The following RHOU variants were observed in gnomAD, a reference collection of about 807,000 sequenced individuals.
RHOU encodes ras homolog family member U, also known as rho-related GTP-binding protein RhoU.
Under a neutral mutation model 12.6 loss-of-function variants are expected in RHOU, and 8 were observed. That is an observed-to-expected ratio of 0.64 (90% CI 0.37 to 1.15). The LOEUF (loss-of-function observed/expected upper bound fraction) is 1.15. Ranked by LOEUF, RHOU falls within the 50% of genes most tolerant of loss-of-function variation. The pLI is 0.01. For synonymous variants in RHOU, 161 were observed against 147.4 expected (o/e 1.09, Z -0.67); for missense variants, 258 against 347.0 (o/e 0.74, Z 2.04).
At chr1:228,678,013 T>A in the RHOU span, among the ~76,000 whole-genome samples, 1 of 152,068 alleles carries the variant, frequency 6.6e-6, no homozygotes, top group Non-Finnish European at 1.5e-5. Context: ...CCAAGAGGTA[T>A]TTTAGTTTTC....
At chr1:228,648,583 A>G in the RHOU span, among the ~76,000 whole-genome samples, 1 of 152,080 alleles carries the variant, frequency 6.6e-6, no homozygotes, top group Non-Finnish European at 1.5e-5. Flanking sequence ...TAAAATTTCA[A>G]CCATGTTCTG....
chr1:228,721,632 A>G, the RHOU span, among the ~76,000 whole-genome samples: 1 of 152,152 alleles, frequency 6.6e-6, no homozygotes, highest in African/African-American at 2.4e-5. Flanking sequence ...TCCTGAGGAC[A>G]CAACCCCATG....
At chr1:228,699,987 G>A in the RHOU span, among the ~76,000 whole-genome samples, 47 of 152,110 alleles carry the variant, frequency 3.1e-4, no homozygotes, top group African/African-American at 1.1e-3. Context: ...TATTAAGACC[G>A]TTTTAGTAAT....
chr1:228,732,487 G>C (rs1662515934), upstream of RHOU, among the ~76,000 whole-genome samples: 1 of 152,174 alleles, frequency 6.6e-6, no homozygotes, highest in Admixed American at 6.5e-5. Context: ...CTGTAAAGGG[G>C]TAAAGTGGTA....
chr1:228,741,432 C>T (rs1662718821), intron 2 of RHOU, among the ~76,000 whole-genome samples: 1 of 152,126 alleles, frequency 6.6e-6, no homozygotes, highest in Non-Finnish European at 1.5e-5. Flanking sequence ...TTGTGCTTGC[C>T]TTTATTTTTC....
the RHOU span, among the ~76,000 whole-genome samples, chr1:228,689,217 G>T: frequency 1.3e-5 from 2 of 152,076 alleles, no homozygotes; most frequent in East Asian, 1.9e-4. Context: ...CCCTGAGTTT[G>T]TCAGACCCAA....
the RHOU span, among the ~76,000 whole-genome samples, chr1:228,678,826 G>C: frequency 1.3e-5 from 2 of 151,994 alleles, no homozygotes; most frequent in East Asian, 3.9e-4. Context: ...AGAGTGAGTT[G>C]AGCATAGTTT....
At chr1:228,656,337 A>G in the RHOU span, among the ~76,000 whole-genome samples, 1 of 152,202 alleles carries the variant, frequency 6.6e-6, no homozygotes, top group African/African-American at 2.4e-5. Context: ...TTTCTTTTAG[A>G]TTACTTCTCT....
At chr1:228,671,712 C>CAAA in the RHOU span, among the ~76,000 whole-genome samples, 953 of 64,480 alleles carry the variant, frequency 0.015, 30 homozygotes, top group African/African-American at 0.035. Context: ...GACTCCATCT[C>CAAA]AAAAAAAAAA....
the RHOU span, among the ~76,000 whole-genome samples, chr1:228,662,906 G>T: frequency 2.0e-5 from 3 of 152,088 alleles, no homozygotes; most frequent in Non-Finnish European, 4.4e-5. Context: ...AAAGAATGCA[G>T]CAATAGTGTC....
chr1:228,648,032 C>T, the RHOU span: 5 of 152,412 alleles, frequency 3.3e-5, no homozygotes, highest in South Asian at 1.0e-3. Flanking sequence ...TGGCCTTAGA[C>T]GCCGGTAGTG....
At position 228,743,785 on chromosome 1, in the gene RHOU, A is replaced by G. The variant is rs777628020; in HGVS notation, c.*45A>G. The G allele has an allele frequency of 6.5e-7, 1 of 1,530,060 alleles. No homozygotes were observed. The highest frequency in any genetic ancestry group is 1.4e-5 in the African/African-American group (1 of 72,064). 94.8% of individuals were successfully genotyped at this position (1,530,060 alleles called of 1,614,324 possible). A position where few individuals can be genotyped will look rare whatever the true frequency, so the allele number is the denominator to read the frequency against. ...AAGGCTATTTTCAGATGAAATCGATATTAGAAGCTATATTAGCTGAAACAA... is the reference window on the plus strand; with the variant it reads ...AAGGCTATTTTCAGATGAAATCGATGTTAGAAGCTATATTAGCTGAAACAA... On this transcript the variant is annotated 3_prime_UTR_variant, in exon 3 of 3. Coordinates refer to ENST00000366691, the MANE Select transcript of RHOU (RefSeq NM_021205.6). The surrounding 1 kb of genome is among the most constrained non-coding windows in gnomAD (Gnocchi z 5.1).
chr1:228,736,260 CAAAAA>C (rs1204392489), intron 1 of RHOU, among the ~76,000 whole-genome samples: 2 of 70,916 alleles, frequency 2.8e-5, no homozygotes, highest in African/African-American at 5.4e-5. Context: ...AGAGCCTTGC[CAAAAA>C]AAAAAAAAAA....
intron 2 of RHOU, among the ~76,000 whole-genome samples, chr1:228,741,796 C>T (rs866417833): frequency 6.6e-6 from 1 of 152,266 alleles, no homozygotes; most frequent in Middle Eastern, 3.4e-3. Flanking sequence ...GCACGTGCCA[C>T]CACATTTGGC....
rs370218878 is a variant in RHOU at position 228,738,951 on chromosome 1, T to A, written c.321+1220T>A. ...GGGTAGCATAGCAAGACATCATCTC[T>A]ACAAAATAAAAAAATTAGCCTGGTG... On this transcript the variant is annotated intron_variant, in intron 2 of 2. Transcript: ENST00000366691. This position sits in a 1 kb window ranked among gnomAD's most constrained non-coding sequence, Gnocchi z 4.2. 1.3e-5 allele frequency among the ~76,000 whole-genome samples: 2 copies of A among 151,746 alleles called. No homozygotes were observed. Among genetic ancestry groups the A allele is most frequent in the East Asian group, 3.9e-4 (2 of 5,130 alleles).
chr1:228,668,988 A>G, the RHOU span, among the ~76,000 whole-genome samples: 1 of 152,232 alleles, frequency 6.6e-6, no homozygotes, highest in Non-Finnish European at 1.5e-5. Flanking sequence ...GAAAAGGGGC[A>G]GGATGGGCCT....
the RHOU span, chr1:228,687,621 C>T: frequency 1.3e-6 from 2 of 1,563,860 alleles, no homozygotes; most frequent in African/African-American, 1.3e-5. Flanking sequence ...TCAGTCACTA[C>T]TGGAACTGCA....
the RHOU span, among the ~76,000 whole-genome samples, chr1:228,709,978 A>G: frequency 6.6e-6 from 1 of 152,224 alleles, no homozygotes; most frequent in African/African-American, 2.4e-5. Context: ...TAAAGGGGAT[A>G]TCACCACCAA....
chr1:228,649,122 C>G, the RHOU span, among the ~76,000 whole-genome samples: 62 of 152,312 alleles, frequency 4.1e-4, no homozygotes, highest in Admixed American at 1.2e-3. Flanking sequence ...GCCTCGGCCT[C>G]TTAAAATACT....
Sources: allele counts gnomAD v4.1 joint callset (sites outside exome capture counted in the v4.1 genomes callset), GRCh38; gene constraint gnomAD v4.1.1; non-coding constraint Gnocchi (gnomAD v3.1); transcripts MANE v1.5; gene names NCBI Gene and HGNC (gene_info 2026-07-23, HGNC 2026-07-21).